Variants in HSF5 observed in about 807,000 individuals in gnomAD.
HSF5 encodes heat shock factor protein 5.
In HSF5, 5 loss-of-function variants were observed where a neutral mutation model predicts 50.8. The observed-to-expected ratio is 0.10, with a 90% CI of 0.05 to 0.21. The LOEUF (loss-of-function observed/expected upper bound fraction) is 0.21. HSF5 is among the 10% of genes least tolerant of loss of function. The probability of loss-of-function intolerance (pLI) is 1.00; values close to 1 mark genes in which losing one functional copy is unlikely to be tolerated. For missense variants in HSF5, 564 were observed against 762.6 expected (o/e 0.74, Z 3.07); for synonymous variants, 307 against 307.4 (o/e 1.00, Z 0.02).
At chr17:58,484,552 T>G (rs1246106427) in intron 1 of HSF5, among the ~76,000 whole-genome samples, 3 of 152,042 alleles carry the variant, frequency 2.0e-5, no homozygotes, top group Non-Finnish European at 4.4e-5. Flanking sequence ...AAACATATTT[T>G]CTAGTCTTTT....
At chr17:58,480,827 G>A (rs1181111752) in intron 1 of HSF5, among the ~76,000 whole-genome samples, 1 of 147,422 alleles carries the variant, frequency 6.8e-6, no homozygotes, top group Admixed American at 6.8e-5. Context: ...TCACTCTGTT[G>A]CCCAGGTTGC....
chr17:58,456,798 C>A (rs896543597), intron 5 of HSF5, among the ~76,000 whole-genome samples: 1 of 152,150 alleles, frequency 6.6e-6, no homozygotes, highest in African/African-American at 2.4e-5. Flanking sequence ...TACAGGCAGA[C>A]AACTTAGGGT....
chr17:58,457,840 A>C (rs1047743713), intron 5 of HSF5, among the ~76,000 whole-genome samples: 3 of 152,238 alleles, frequency 2.0e-5, no homozygotes, highest in Non-Finnish European at 2.9e-5. Context: ...TATGGATTGG[A>C]AAATATAATC....
At chr17:58,473,282 A>G (rs765997621) in intron 2 of HSF5, among the ~76,000 whole-genome samples, 31 of 152,204 alleles carry the variant, frequency 2.0e-4, no homozygotes, top group Non-Finnish European at 3.5e-4. Flanking sequence ...TTAATAAAAA[A>G]AGAGATGAAG....
At chr17:58,470,446 G>C (rs1005633416) in intron 2 of HSF5, among the ~76,000 whole-genome samples, 2 of 152,134 alleles carry the variant, frequency 1.3e-5, no homozygotes. Context: ...CTCATGTAAG[G>C]TTCCTAGAAA....
intron 2 of HSF5, among the ~76,000 whole-genome samples, chr17:58,469,942 T>C (rs552120722): frequency 2.6e-5 from 4 of 152,280 alleles, no homozygotes; most frequent in African/African-American, 9.6e-5. Context: ...GGCAAACAAG[T>C]TAATATACTT....
At chr17:58,459,841 A>G (rs929556084) in intron 4 of HSF5, among the ~76,000 whole-genome samples, 15 of 152,066 alleles carry the variant, frequency 9.9e-5, no homozygotes, top group Non-Finnish European at 2.1e-4. Flanking sequence ...TCTCTGTAGA[A>G]TATGTTCTAT....
chr17:58,430,058 C>T lies in HSF5; in HGVS notation c.1721-7628G>A, dbSNP rs116844706. ...TAGAGCATTATCTTTGTTTTTTTTA[C>T]TGTTTTTGTTTTGTTTTGTTTTGTT... On this transcript the variant is annotated intron_variant, in intron 5 of 5. Coordinates refer to ENST00000323777, the MANE Select transcript of HSF5 (RefSeq NM_001080439.3). Among the ~76,000 whole-genome samples, 115 of 151,602 alleles carry T rather than the reference C, an allele frequency of 7.6e-4. 2 individuals carry two copies. In the East Asian group the frequency reaches 0.022, roughly 29 times the overall value.
chr17:58,456,606 G>C (rs909546445), intron 5 of HSF5, among the ~76,000 whole-genome samples: 2 of 151,836 alleles, frequency 1.3e-5, no homozygotes, highest in African/African-American at 4.8e-5. Context: ...TGATGGATAT[G>C]GTAATTATCT....
chr17:58,471,653 T>C (rs745591840), intron 2 of HSF5, among the ~76,000 whole-genome samples: 4 of 151,322 alleles, frequency 2.6e-5, no homozygotes, highest in Non-Finnish European at 4.4e-5. Flanking sequence ...TCTTGCTCTG[T>C]TGCCCAGGCT....
At chr17:58,444,157 C>T (rs1024772662) in intron 5 of HSF5, among the ~76,000 whole-genome samples, 2 of 152,150 alleles carry the variant, frequency 1.3e-5, no homozygotes, top group African/African-American at 4.8e-5. Flanking sequence ...CTACCCAAAG[C>T]AATCTACAGT....
chr17:58,452,296 A>G, intron 5 of HSF5, among the ~76,000 whole-genome samples: 1 of 152,134 alleles, frequency 6.6e-6, no homozygotes, highest in Admixed American at 6.5e-5. Context: ...AATAATAAAA[A>G]AACCTCTAAA....
intron 2 of HSF5, among the ~76,000 whole-genome samples, chr17:58,478,486 AAAAAGAAAAGAAAAG>A (rs1191467440): frequency 6.8e-6 from 1 of 146,798 alleles, no homozygotes; most frequent in Non-Finnish European, 1.5e-5. Flanking sequence ...AAAAAAAAAA[AAAAAGAAAAGAAAAG>A]AAAAGAAAAG....
chr17:58,448,766 C>T (rs1974595428), intron 5 of HSF5, among the ~76,000 whole-genome samples: 1 of 152,054 alleles, frequency 6.6e-6, no homozygotes, highest in African/African-American at 2.4e-5. Flanking sequence ...GTATAAAAAT[C>T]GTTGATAAAA....
intron 5 of HSF5, among the ~76,000 whole-genome samples, chr17:58,439,073 G>C (rs904911281): frequency 6.6e-6 from 1 of 151,886 alleles, no homozygotes; most frequent in Admixed American, 6.6e-5. Flanking sequence ...AGAGATCAAG[G>C]CTGCAGTGAG....
chr17:58,450,338 C>CAAAA (rs758990551), intron 5 of HSF5, among the ~76,000 whole-genome samples: 15 of 51,956 alleles, frequency 2.9e-4, no homozygotes, highest in Non-Finnish European at 4.4e-4. Flanking sequence ...GACTTTGTCT[C>CAAAA]AAAAAAAAAA....
chr17:58,446,176 C>A (rs1008072786), intron 5 of HSF5, among the ~76,000 whole-genome samples: 10 of 150,606 alleles, frequency 6.6e-5, no homozygotes, highest in African/African-American at 2.4e-4. Context: ...GGGGCAGAGG[C>A]AGAGCAAGAC....
intron 5 of HSF5, among the ~76,000 whole-genome samples, chr17:58,431,962 G>C (rs898931967): frequency 6.6e-6 from 1 of 152,258 alleles, no homozygotes; most frequent in Middle Eastern, 3.4e-3. Context: ...CTGTTTAATG[G>C]GTATAGAGTT....
chr17:58,449,373 T>C (rs527286994), intron 5 of HSF5, among the ~76,000 whole-genome samples: 1 of 152,312 alleles, frequency 6.6e-6, no homozygotes, highest in Non-Finnish European at 1.5e-5. Flanking sequence ...AACTATATGC[T>C]ACCTATAAGA....
Sources: allele counts gnomAD v4.1 joint callset (sites outside exome capture counted in the v4.1 genomes callset), GRCh38; gene constraint gnomAD v4.1.1; transcripts MANE v1.5; gene names NCBI Gene and HGNC (gene_info 2026-07-23, HGNC 2026-07-21).